Variants in DIAPH2 observed in about 807,000 individuals in gnomAD.
DIAPH2 encodes protein diaphanous homolog 2.
Under a neutral mutation model 92.7 loss-of-function variants are expected in DIAPH2, and 35 were observed. The observed-to-expected ratio is 0.38, with a 90% CI of 0.29 to 0.50. The LOEUF is 0.50. Among genes scored for constraint, DIAPH2 ranks in the 20% least tolerant of loss-of-function variants. The pLI is 0.94. For missense variants in DIAPH2, 701 were observed against 819.5 expected (o/e 0.86, Z 1.77); for synonymous variants, 301 against 280.4 (o/e 1.07, Z -0.73).
chrX:97,194,810 G>A (rs1449787455), intron 22 of DIAPH2, among the ~76,000 whole-genome samples: 1 of 111,939 alleles, frequency 8.9e-6, no homozygotes, highest in Non-Finnish European at 1.9e-5. Flanking sequence ...AAGAGAAAGA[G>A]CCCACATTAT....
chrX:97,188,398 C>T (rs1925928), intron 22 of DIAPH2, among the ~76,000 whole-genome samples: 43,386 of 110,135 alleles, frequency 0.39, 7,556 homozygotes, highest in Non-Finnish European at 0.54. Context: ...TGGAAGGGCT[C>T]ACTTAATAGA....
At chrX:97,212,176 A>T (rs2067845535) in intron 22 of DIAPH2, among the ~76,000 whole-genome samples, 1 of 111,906 alleles carries the variant, frequency 8.9e-6, no homozygotes, top group Non-Finnish European at 1.9e-5. Context: ...GCTCTTCTTT[A>T]TTGTGCCTTC....
rs1010813278 is a variant in DIAPH2, at chrX:96,852,244, G to A, written c.448-29335G>A. ...TCTTACAATGTGGTAGGCACTGAAC[G>A]TTTCAAAGACTGTTAGGAAATGGTT... On this transcript the variant is annotated intron_variant, in intron 4 of 26. Coordinates refer to ENST00000324765, the MANE Select transcript of DIAPH2 (RefSeq NM_006729.5). 8.9e-5 allele frequency among the ~76,000 whole-genome samples: 10 copies of A among 112,040 alleles called. No homozygotes were observed. The East Asian group carries it at 2.5e-3, about 28-fold the overall frequency.
intron 24 of DIAPH2, among the ~76,000 whole-genome samples, chrX:97,369,199 C>T (rs2069417636): frequency 9.0e-6 from 1 of 111,718 alleles, no homozygotes; most frequent in South Asian, 3.7e-4. Context: ...TGAGCCACCG[C>T]GACCAGCCAG....
intron 4 of DIAPH2, among the ~76,000 whole-genome samples, chrX:96,870,392 G>C (rs2065132640): frequency 9.2e-6 from 1 of 108,284 alleles, no homozygotes; most frequent in African/African-American, 3.4e-5. Context: ...CTCCCGAGTA[G>C]CTGGGACTAC....
At chrX:97,383,246 G>T (rs1173174367) in intron 24 of DIAPH2, among the ~76,000 whole-genome samples, 1 of 111,318 alleles carries the variant, frequency 9.0e-6, no homozygotes, top group Non-Finnish European at 1.9e-5. Flanking sequence ...TCTTTTCTGT[G>T]ATAATACTGT....
At chrX:97,560,575 C>G (rs868564778) in intron 26 of DIAPH2, among the ~76,000 whole-genome samples, 14 of 111,803 alleles carry the variant, frequency 1.3e-4, no homozygotes, top group Admixed American at 2.8e-4. Context: ...TCACTGCAGC[C>G]TCTACCTCCT....
intron 17 of DIAPH2, among the ~76,000 whole-genome samples, chrX:97,032,084 A>G (rs1292561817): frequency 9.0e-6 from 1 of 111,666 alleles, no homozygotes; most frequent in African/African-American, 3.3e-5. Flanking sequence ...AGCTTGCAGT[A>G]TTTAGGAGTT....
intron 26 of DIAPH2, among the ~76,000 whole-genome samples, chrX:97,470,212 C>G (rs772031554): frequency 1.8e-5 from 2 of 111,287 alleles, no homozygotes; most frequent in Non-Finnish European, 3.8e-5. Flanking sequence ...TGCGTGCATG[C>G]ACACATACAC....
intron 26 of DIAPH2, among the ~76,000 whole-genome samples, chrX:97,450,697 C>T (rs2070351596): frequency 1.8e-5 from 2 of 110,891 alleles, no homozygotes; most frequent in African/African-American, 6.6e-5. Context: ...ATCTGGGAGC[C>T]CTTATGTCCC....
At chrX:97,490,596 A>G (rs2070719126) in intron 26 of DIAPH2, among the ~76,000 whole-genome samples, 1 of 103,567 alleles carries the variant, frequency 9.7e-6, no homozygotes, top group Admixed American at 1.0e-4. Flanking sequence ...AAGTTTTGTT[A>G]TGTTGTATTT....
intron 20 of DIAPH2, among the ~76,000 whole-genome samples, chrX:97,110,478 C>G (rs1490433192): frequency 9.0e-6 from 1 of 111,355 alleles, no homozygotes; most frequent in Non-Finnish European, 1.9e-5. Context: ...AACATTTAGT[C>G]TATGTTAGTA....
chrX:97,221,799 T>C (rs937929485), intron 22 of DIAPH2, among the ~76,000 whole-genome samples: 32 of 111,665 alleles, frequency 2.9e-4, no homozygotes, highest in Admixed American at 2.1e-3. Flanking sequence ...TTTGTTCAAG[T>C]TTTCATTACA....
intron 26 of DIAPH2, among the ~76,000 whole-genome samples, chrX:97,499,136 G>A (rs1419704078): frequency 1.8e-5 from 2 of 112,161 alleles, no homozygotes; most frequent in Non-Finnish European, 3.8e-5. Context: ...TAAATGACAT[G>A]AATATATTGG....
At chrX:97,349,080 A>AT (rs762963217) in intron 24 of DIAPH2, among the ~76,000 whole-genome samples, 1 of 86,288 alleles carries the variant, frequency 1.2e-5, no homozygotes, top group African/African-American at 4.3e-5. Flanking sequence ...ATATATATAT[A>AT]TATTTTTTTT....
chrX:96,693,449 G>A (rs1231776244), intron 1 of DIAPH2, among the ~76,000 whole-genome samples: 3 of 112,269 alleles, frequency 2.7e-5, no homozygotes, highest in Non-Finnish European at 5.6e-5. Context: ...TATTGTGCTG[G>A]CTGAAACTGT....
intron 1 of DIAPH2, among the ~76,000 whole-genome samples, chrX:96,708,729 C>T (rs2063901310): frequency 8.9e-6 from 1 of 112,684 alleles, no homozygotes; most frequent in African/African-American, 3.2e-5. Context: ...TCAAGTAGCA[C>T]AATAAAGTGA....
intron 22 of DIAPH2, among the ~76,000 whole-genome samples, chrX:97,246,512 T>G (rs1418160038): frequency 8.9e-6 from 1 of 111,951 alleles, no homozygotes; most frequent in Non-Finnish European, 1.9e-5. Flanking sequence ...TAGTCTTTAG[T>G]GTTAGTGTTT....
intron 4 of DIAPH2, among the ~76,000 whole-genome samples, chrX:96,825,834 C>T (rs991178552): frequency 9.0e-6 from 1 of 111,018 alleles, no homozygotes; most frequent in Non-Finnish European, 1.9e-5. Context: ...AACCACTCCT[C>T]CTTATCTATC....
Sources: allele counts gnomAD v4.1 joint callset (sites outside exome capture counted in the v4.1 genomes callset), GRCh38; gene constraint gnomAD v4.1.1; transcripts MANE v1.5; gene names NCBI Gene and HGNC (gene_info 2026-07-23, HGNC 2026-07-21).